MAP7D2: variants seen among roughly 807,000 people sequenced by gnomAD.
MAP7D2 encodes the protein MAP7 domain-containing protein 2.
In MAP7D2, 33 loss-of-function variants were observed where a neutral mutation model predicts 63.5. The observed-to-expected ratio is 0.52, with a 90% confidence interval of 0.39 to 0.70. MAP7D2 has a LOEUF of 0.70. MAP7D2 is among the 30% of genes least tolerant of loss of function. The pLI is 0.00. For synonymous variants in MAP7D2, 224 were observed against 223.7 expected, an observed-to-expected ratio of 1.00 and a Z score of -0.01; for missense variants, 626 against 604.0, an observed-to-expected ratio of 1.04 and a Z score of -0.38.
At chrX:20,011,824 A>C in intron 15 of MAP7D2, among the ~76,000 whole-genome samples, 2 of 112,402 alleles carry the variant, frequency 1.8e-5, no homozygotes, top group Middle Eastern at 4.6e-3. Context: ...TGGAAGGAGG[A>C]GTTTCATAAT....
intron 1 of MAP7D2, among the ~76,000 whole-genome samples, chrX:20,084,995 C>A (rs373703530): frequency 9.0e-6 from 1 of 111,645 alleles, no homozygotes; most frequent in East Asian, 2.8e-4. Context: ...AACCTGCAAG[C>A]GAGGCAAACA....
intron 8 of MAP7D2, among the ~76,000 whole-genome samples, chrX:20,034,006 C>G (rs1041908400): frequency 1.3e-4 from 14 of 108,565 alleles, no homozygotes; most frequent in African/African-American, 4.8e-4. Context: ...GGGTGGATCA[C>G]TTGAGGTCAG....
At chrX:20,071,349 G>C (rs2065496365) in intron 1 of MAP7D2, among the ~76,000 whole-genome samples, 1 of 112,485 alleles carries the variant, frequency 8.9e-6, no homozygotes, top group Admixed American at 9.4e-5. Flanking sequence ...GTGTGGTTTA[G>C]GCACTGTTGC....
At chrX:20,029,350 C>T (rs1266783513) in intron 8 of MAP7D2, among the ~76,000 whole-genome samples, 3 of 112,247 alleles carry the variant, frequency 2.7e-5, no homozygotes, top group African/African-American at 9.7e-5. Context: ...ATGGCTCACA[C>T]ACTCAGTCAG....
chrX:20,059,927 A>C (rs766096084), intron 3 of MAP7D2, among the ~76,000 whole-genome samples: 2 of 111,421 alleles, frequency 1.8e-5, no homozygotes, highest in East Asian at 5.6e-4. Context: ...GGTTGCCAGC[A>C]GGGCACATTC....
chrX:20,110,432 G>A (rs2066708940), intron 1 of MAP7D2, among the ~76,000 whole-genome samples: 2 of 110,487 alleles, frequency 1.8e-5, no homozygotes, highest in Admixed American at 9.7e-5. Flanking sequence ...AGGTTGCAGA[G>A]AGCAGAGATC....
At position 20,116,893 on chromosome X, in the gene MAP7D2, C is replaced by T; in HGVS notation, c.-14G>A. The T allele has an allele frequency of 4.6e-6, 5 of 1,097,174 alleles. No homozygotes were observed. The highest frequency in any genetic ancestry group is 2.4e-6 in the Non-Finnish European group (2 of 840,162). 90.4% of individuals were successfully genotyped at this position (1,097,174 alleles called of 1,213,427 possible). On this transcript the variant is annotated 5_prime_UTR_variant, in exon 1 of 17. Coordinates refer to ENST00000379643, the MANE Select transcript of MAP7D2 (RefSeq NM_001168465.2). ...GCCGCGCTCCATCGGGATGCGCCGG[C>T]CGCACAGGCGCACTGCCAAGCCCGC...
At chrX:20,012,030 A>G (rs914800861) in intron 15 of MAP7D2, among the ~76,000 whole-genome samples, 1 of 111,854 alleles carries the variant, frequency 8.9e-6, no homozygotes, top group Non-Finnish European at 1.9e-5. Flanking sequence ...TCTCTGGTGG[A>G]AATTCATCCT....
At chrX:20,039,926 G>C (rs1228873615) in intron 8 of MAP7D2, among the ~76,000 whole-genome samples, 2 of 105,465 alleles carry the variant, frequency 1.9e-5, no homozygotes, top group African/African-American at 7.0e-5. Flanking sequence ...TTGAACCTGG[G>C]AGGCAGAGGT....
chrX:20,102,766 A>G (rs2066468979), intron 1 of MAP7D2, among the ~76,000 whole-genome samples: 1 of 99,641 alleles, frequency 1.0e-5, no homozygotes. Context: ...GTTTGGCTGT[A>G]ATGGGCGGGG....
At chrX:20,031,173 C>A (rs948726284) in intron 8 of MAP7D2, among the ~76,000 whole-genome samples, 4 of 110,067 alleles carry the variant, frequency 3.6e-5, no homozygotes, top group Non-Finnish European at 5.7e-5. Context: ...GCCTGTAGTC[C>A]CAGCTACTCG....
intron 8 of MAP7D2, among the ~76,000 whole-genome samples, chrX:20,036,223 CA>C (rs947204237): frequency 2.7e-5 from 3 of 110,007 alleles, no homozygotes; most frequent in African/African-American, 1.0e-4. Flanking sequence ...ATATGTACAC[CA>C]AACCCCTGTG....
At chrX:20,053,979 G>C (rs755201650) in intron 4 of MAP7D2, among the ~76,000 whole-genome samples, 5 of 111,384 alleles carry the variant, frequency 4.5e-5, no homozygotes, top group African/African-American at 1.6e-4. Context: ...GAGTAGCTGG[G>C]ACTACAGGTG....
At chrX:20,079,623 GTAAATTCCTTAACATCTCAGAGGTT>G (rs964321800) in intron 1 of MAP7D2, among the ~76,000 whole-genome samples, 1 of 111,901 alleles carries the variant, frequency 8.9e-6, no homozygotes, top group African/African-American at 3.2e-5. Context: ...AAGAGACTGG[GTAAATTCCTTAACATCTCAGAGGTT>G]TAAATTCCTC....
In MAP7D2 at chrX:20,025,909, G is replaced by T; in HGVS notation, c.1051C>A (p.Pro351Thr). 8.3e-7 allele frequency: 1 copy of T among 1,211,626 alleles called. No individual in the cohort carries two copies. The highest frequency in any genetic ancestry group is 1.1e-6 in the Non-Finnish European group (1 of 895,429). Reference protein sequence around the residue: ...AYPQSPKTTKPPYPGSPVKYR... With the variant: ...AYPQSPKTTKTPYPGSPVKYR... ...TTCACAGGAGACCCTGGGTAGGGAGGTTTCGTTGTCTTTGGAGACTGTGGA... is the reference window on the plus strand; with the variant it reads ...TTCACAGGAGACCCTGGGTAGGGAGTTTTCGTTGTCTTTGGAGACTGTGGA... Residue 351 changes from proline to threonine, a missense_variant, in exon 9 of 17, where the codon CCT becomes ACT. Pro to Thr is a conservative substitution (Grantham distance 38). Transcript: ENST00000379643.
intron 1 of MAP7D2, 71 bp downstream of exon 1, chrX:20,116,679 T>C (rs2066903240): frequency 2.8e-6 from 3 of 1,081,061 alleles, no homozygotes; most frequent in Non-Finnish European, 3.6e-6. Flanking sequence ...ACCTTTGCCC[T>C]GGGCCGCCGG....
rs113066799 is a variant in MAP7D2, at chrX:20,012,021, C to A, written c.2072+328G>T. On this transcript the variant is annotated intron_variant, in intron 15 of 16. Transcript: ENST00000379643. ...AACTGCAGAAGCTCAGAGGAACTGTCTCTGGTGGAAATTCATCCTCCAGAG... is the reference window on the plus strand; with the variant it reads ...AACTGCAGAAGCTCAGAGGAACTGTATCTGGTGGAAATTCATCCTCCAGAG... Among the ~76,000 whole-genome samples, 718 of 111,888 alleles carry A rather than the reference C, an allele frequency of 6.4e-3. 7 individuals are homozygous for A. Among genetic ancestry groups the A allele is most frequent in the African/African-American group, 0.022 (691 of 30,832 alleles).
chrX:20,012,763 G>A (rs1390759958), intron 14 of MAP7D2, among the ~76,000 whole-genome samples: 4 of 112,039 alleles, frequency 3.6e-5, no homozygotes, highest in Non-Finnish European at 7.5e-5. Context: ...GCAGAGTCAG[G>A]TCCTAACAGT....
chrX:20,103,547 G>A (rs1428288308), intron 1 of MAP7D2, among the ~76,000 whole-genome samples: 1 of 111,994 alleles, frequency 8.9e-6, no homozygotes, highest in Non-Finnish European at 1.9e-5. Context: ...AAGAGTAGGT[G>A]GGTTTGAAGT....
Sources: gnomAD v4.1 joint callset for allele counts (sites outside exome capture counted in the v4.1 genomes callset) on GRCh38, gnomAD v4.1.1 for gene constraint, MANE v1.5 for transcripts, NCBI Gene and HGNC (gene_info 2026-07-23, HGNC 2026-07-21) for gene names.